Variants in STK3 observed in about 807,000 individuals in gnomAD.
STK3 encodes serine/threonine kinase 3.
Under a neutral mutation model 58.0 loss-of-function variants are expected in STK3, and 41 were observed. The observed-to-expected ratio is 0.71, with a 90% CI of 0.55 to 0.92. The LOEUF (loss-of-function observed/expected upper bound fraction) is 0.92. STK3 is among the 40% of genes least tolerant of loss of function. The pLI is 0.00. For missense variants in STK3, 479 were observed against 602.7 expected, an observed-to-expected ratio of 0.79 and a Z score of 2.15; for synonymous variants, 170 against 191.0, an observed-to-expected ratio of 0.89 and a Z score of 0.91.
intron 3 of STK3, among the ~76,000 whole-genome samples, chr8:98,864,378 C>T (rs1418417748): frequency 2.6e-5 from 4 of 152,200 alleles, no homozygotes; most frequent in Admixed American, 1.3e-4. Context: ...AAAACAAGAA[C>T]GACTAAGTCT....
chr8:98,389,594 A>G (rs1164900332), upstream of STK3, among the ~76,000 whole-genome samples: 5 of 152,058 alleles, frequency 3.3e-5, no homozygotes, highest in Non-Finnish European at 2.9e-5. Context: ...ATTGGGGTGC[A>G]GGACTGGCTG....
chr8:98,749,328 T>C lies in STK3; in HGVS notation c.299A>G (p.Glu100Gly). The C allele has an allele frequency of 3.1e-6, 5 of 1,609,554 alleles. No homozygotes were observed. The highest frequency in any genetic ancestry group is 3.4e-6 in the Non-Finnish European group (4 of 1,177,232). ...FKNTDLWIVMEYCGAGSVSDI... is the reference protein window; with the variant it reads ...FKNTDLWIVMGYCGAGSVSDI... ...TGAGACAGAGCCAGCGCCACAGTAC[T>C]CCATAACAATCCAGAGGTCTGTATT... Residue 100 changes from glutamate to glycine, a missense_variant, in exon 4 of 11, where the codon GAG becomes GGG. By Grantham distance (98) the Glu-to-Gly change is moderately conservative. Transcript: ENST00000419617.
At chr8:98,699,384 G>A (rs1163370831) in intron 6 of STK3, among the ~76,000 whole-genome samples, 1 of 152,202 alleles carries the variant, frequency 6.6e-6, no homozygotes, top group African/African-American at 2.4e-5. Flanking sequence ...TCTCCGTCCA[G>A]CTTTGTTCCA....
At chr8:98,442,627 C>G (rs954668372) in intron 1 of STK3, among the ~76,000 whole-genome samples, 14 of 152,214 alleles carry the variant, frequency 9.2e-5, no homozygotes, top group Non-Finnish European at 1.9e-4. Context: ...AGTGTTGCGG[C>G]TTAGCAGCAT....
intron 1 of STK3, among the ~76,000 whole-genome samples, chr8:98,936,537 C>T (rs1024968215): frequency 5.3e-5 from 8 of 152,226 alleles, no homozygotes; most frequent in African/African-American, 1.9e-4. Flanking sequence ...TGCAAGTGTT[C>T]TACAAACCAA....
At chr8:98,718,334 C>T (rs944635463) in intron 4 of STK3, among the ~76,000 whole-genome samples, 1 of 152,152 alleles carries the variant, frequency 6.6e-6, no homozygotes, top group Non-Finnish European at 1.5e-5. Flanking sequence ...AGAAGACTAG[C>T]TCTAGATGAG....
chr8:98,415,482 C>T (rs1306310079), intron 3 of STK3, among the ~76,000 whole-genome samples: 1 of 152,174 alleles, frequency 6.6e-6, no homozygotes, highest in African/African-American at 2.4e-5. Context: ...TAAAATTCTT[C>T]AAACATCTTC....
chr8:98,372,798 A>G (rs1363521056), intron 2 of STK3, among the ~76,000 whole-genome samples: 1 of 152,240 alleles, frequency 6.6e-6, no homozygotes, highest in Non-Finnish European at 1.5e-5. Flanking sequence ...AACAATTCAC[A>G]GTCTAGCGCT....
intron 7 of STK3, among the ~76,000 whole-genome samples, chr8:98,591,534 A>G (rs1457592123): frequency 1.3e-5 from 2 of 152,216 alleles, no homozygotes; most frequent in African/African-American, 4.8e-5. Context: ...TTCTGACTCA[A>G]GAATACTCAA....
At chr8:98,811,503 A>C (rs1291264338) in intron 1 of STK3, among the ~76,000 whole-genome samples, 1 of 150,764 alleles carries the variant, frequency 6.6e-6, no homozygotes, top group African/African-American at 2.4e-5. Flanking sequence ...CACAAGGATG[A>C]TATGCAAATT....
intron 10 of STK3, among the ~76,000 whole-genome samples, chr8:98,484,260 G>A (rs897725286): frequency 1.3e-5 from 2 of 152,058 alleles, no homozygotes; most frequent in Non-Finnish European, 2.9e-5. Flanking sequence ...ACTAACCTTT[G>A]TCATTCAAAA....
chr8:98,431,433 T>G (rs930708833), intron 3 of STK3: 1 of 167,028 alleles, frequency 6.0e-6, no homozygotes, highest in African/African-American at 2.4e-5. Flanking sequence ...TTTTCAGAAT[T>G]TGCACATGGA....
intron 7 of STK3, among the ~76,000 whole-genome samples, chr8:98,587,839 T>G (rs536457340): frequency 1.3e-5 from 2 of 152,074 alleles, no homozygotes; most frequent in East Asian, 3.9e-4. Flanking sequence ...ATTGATCCCT[T>G]TACCATTATG....
intron 3 of STK3, among the ~76,000 whole-genome samples, chr8:98,852,070 C>T (rs1317232871): frequency 6.6e-6 from 1 of 151,186 alleles, no homozygotes; most frequent in Non-Finnish European, 1.5e-5. Context: ...TGATGTATAG[C>T]ATTCAGCTAC....
chr8:98,581,122 G>C (rs1315997456), intron 7 of STK3, among the ~76,000 whole-genome samples: 3 of 152,182 alleles, frequency 2.0e-5, no homozygotes, highest in Non-Finnish European at 2.9e-5. Context: ...CCATTCAGGT[G>C]GTTATATGCG....
chr8:98,661,968 A>G (rs1373905746), intron 6 of STK3, among the ~76,000 whole-genome samples: 2 of 152,116 alleles, frequency 1.3e-5, no homozygotes, highest in East Asian at 3.8e-4. Context: ...AATGTACTAT[A>G]AACACCTGCT....
chr8:98,765,944 C>T (rs2131437243), intron 3 of STK3, among the ~76,000 whole-genome samples: 1 of 152,350 alleles, frequency 6.6e-6, no homozygotes, highest in Non-Finnish European at 1.5e-5. Flanking sequence ...TATCCAACCT[C>T]ATTTCATTCT....
At chr8:98,590,844 T>C (rs1303890865) in intron 7 of STK3, among the ~76,000 whole-genome samples, 2 of 152,228 alleles carry the variant, frequency 1.3e-5, no homozygotes, top group African/African-American at 4.8e-5. Context: ...TATGTTAGTA[T>C]ATAATTATAT....
At chr8:98,814,073 C>T (rs758669934) in intron 1 of STK3, among the ~76,000 whole-genome samples, 14 of 152,126 alleles carry the variant, frequency 9.2e-5, no homozygotes, top group Admixed American at 2.0e-4. Flanking sequence ...CTTTTTGAGA[C>T]GGAGTCTCAC....
Sources: allele counts gnomAD v4.1 joint callset (sites outside exome capture counted in the v4.1 genomes callset), GRCh38; gene constraint gnomAD v4.1.1; transcripts MANE v1.5; gene names NCBI Gene and HGNC (gene_info 2026-07-23, HGNC 2026-07-21).